Variants in PCBP3 observed in about 807,000 individuals in gnomAD.
PCBP3 encodes poly(rC)-binding protein 3.
In PCBP3, 25 loss-of-function variants were observed where a neutral mutation model predicts 52.7. That is an observed-to-expected ratio of 0.47 (90% CI 0.35 to 0.66). The LOEUF (loss-of-function observed/expected upper bound fraction) is 0.66. PCBP3 is among the 30% of genes least tolerant of loss of function. PCBP3 has a pLI of 0.01. For synonymous variants in PCBP3, 162 were observed against 183.0 expected, an observed-to-expected ratio of 0.89 and a Z score of 0.93; for missense variants, 391 against 490.3, an observed-to-expected ratio of 0.80 and a Z score of 1.91.
Position 45,935,435 on chromosome 21 carries a change from T to G in PCBP3, c.909+130T>G, listed in dbSNP as rs543134467. On this transcript the variant is annotated intron_variant, in intron 16 of 17. Coordinates refer to ENST00000681687, the MANE Select transcript of PCBP3 (RefSeq NM_001384156.1). The stretch of plus-strand genomic sequence containing the variant: ...GCCTTCACCACCCCAACCCCACTGT[T>G]TGATCTGTGTCCTCCCTCCTTTCCT... 88 of 721,482 alleles carry G rather than the reference T, an allele frequency of 1.2e-4. 1 individual carries two copies. In the South Asian group the frequency reaches 1.3e-3, roughly 11 times the overall value. 44.7% of individuals were successfully genotyped at this position (721,482 alleles called of 1,614,324 possible).
intron 5 of PCBP3, among the ~76,000 whole-genome samples, chr21:45,864,806 G>A (rs1410471149): frequency 6.6e-6 from 1 of 152,098 alleles, no homozygotes; most frequent in Non-Finnish European, 1.5e-5. Context: ...CAGGCAAGTG[G>A]GTCTGTGACC....
At chr21:45,863,874 C>G (rs574366954) in intron 5 of PCBP3, among the ~76,000 whole-genome samples, 4 of 152,056 alleles carry the variant, frequency 2.6e-5, no homozygotes, top group Admixed American at 2.6e-4. Context: ...GGTTGACTGT[C>G]GGGGAAATGC....
chr21:45,892,059 C>G (rs899532130), intron 5 of PCBP3, among the ~76,000 whole-genome samples: 8 of 152,286 alleles, frequency 5.3e-5, no homozygotes, highest in African/African-American at 1.9e-4. Flanking sequence ...CCCAGAAACA[C>G]CAGCTCCAGA....
chr21:45,755,611 C>G (rs1350148511), intron 4 of PCBP3, among the ~76,000 whole-genome samples, 159 bp downstream of exon 4: 1 of 152,118 alleles, frequency 6.6e-6, no homozygotes, highest in Admixed American at 6.5e-5. Flanking sequence ...AAAATTTTCT[C>G]CTTTCTAGTG....
chr21:45,922,776 C>T (rs760127689), intron 13 of PCBP3, among the ~76,000 whole-genome samples: 2 of 152,222 alleles, frequency 1.3e-5, no homozygotes, highest in Non-Finnish European at 2.9e-5. Flanking sequence ...GGGGCCAGTT[C>T]CACACACGAG....
rs576577431 is a variant in PCBP3 at position 45,697,132 on chromosome 21, C to T, written c.-200+28180C>T. 1.6e-4 allele frequency among the ~76,000 whole-genome samples: 24 copies of T among 152,300 alleles called. No individual in the cohort carries two copies. In the South Asian group the frequency reaches 3.7e-3, roughly 24 times the overall value. On this transcript the variant is annotated intron_variant, in intron 2 of 17. Transcript: ENST00000681687. The stretch of plus-strand genomic sequence containing the variant: ...ACCATATGACACACTAGTCTTCCTT[C>T]TGGATATATGTGCAAGAGAAATATG...
In PCBP3 at chr21:45,904,244, T is replaced by A. The variant is rs1223452154; in HGVS notation, c.339+3131T>A. On this transcript the variant is annotated intron_variant, in intron 9 of 17. Transcript: ENST00000681687. This position sits in a 1 kb window ranked among gnomAD's most constrained non-coding sequence, Gnocchi z 4.8. ...AAGGTACAAGCCTTCCAGTCATCAGTCCATGGAGGAAGAGCTGAGATGTCT... is the reference window on the plus strand; with the variant it reads ...AAGGTACAAGCCTTCCAGTCATCAGACCATGGAGGAAGAGCTGAGATGTCT... Among the ~76,000 whole-genome samples the A allele has an allele frequency of 6.6e-6, 1 of 152,208 alleles. No homozygotes were observed. The highest frequency in any genetic ancestry group is 1.5e-5 in the Non-Finnish European group (1 of 68,030).
chr21:45,664,019 T>C (rs951863510), intron 1 of PCBP3, among the ~76,000 whole-genome samples: 2 of 41,662 alleles, frequency 4.8e-5, no homozygotes, highest in Non-Finnish European at 1.2e-4. Context: ...TCTTTTTTTT[T>C]CTTTTTTTTT....
chr21:45,780,228 T>C (rs1030802675), intron 4 of PCBP3, among the ~76,000 whole-genome samples: 3 of 152,262 alleles, frequency 2.0e-5, no homozygotes, highest in Non-Finnish European at 4.4e-5. Context: ...TAGTTATGAC[T>C]TTCAAAGCAT....
chr21:45,655,287 C>T (rs1047834272), intron 1 of PCBP3, among the ~76,000 whole-genome samples: 8 of 151,444 alleles, frequency 5.3e-5, no homozygotes, highest in East Asian at 2.0e-4. Context: ...AATTGTTTCC[C>T]GAAGATGCTG....
At position 45,737,354 on chromosome 21, in the gene PCBP3, A is replaced by G. The variant is rs2145901120; in HGVS notation, c.-162+1925A>G. On this transcript the variant is annotated intron_variant, in intron 3 of 17. Coordinates refer to ENST00000681687, the MANE Select transcript of PCBP3 (RefSeq NM_001384156.1). This position sits in a 1 kb window ranked among gnomAD's most constrained non-coding sequence, Gnocchi z 4.9. Reference sequence around the variant, plus strand: ...TCCAAATCCCTGTTGCCTTGGGGCCAACTTTGTAATCTTACAAATCTGGAT... The same window carrying G: ...TCCAAATCCCTGTTGCCTTGGGGCCGACTTTGTAATCTTACAAATCTGGAT... Among the ~76,000 whole-genome samples the G allele has an allele frequency of 6.6e-6, 1 of 152,348 alleles. No homozygotes were observed. The highest frequency in any genetic ancestry group is 3.4e-3 in the Middle Eastern group (1 of 294).
intron 2 of PCBP3, among the ~76,000 whole-genome samples, chr21:45,679,185 A>G (rs149213905): frequency 7.3e-5 from 11 of 150,216 alleles, no homozygotes; most frequent in African/African-American, 2.5e-4. Context: ...CAGTGGTGCA[A>G]TCTCGGCTCA....
In PCBP3 at chr21:45,643,928, A is replaced by C. The variant is rs540606842; in HGVS notation, c.-279+60A>C. On this transcript the variant is annotated intron_variant, in intron 1 of 17. Transcript: ENST00000681687. ...GCGCCCTTGCGGGTTACGGGGACCC[A>C]GTCCCCGACGGAGGCCGAGTGACGG... The C allele has an allele frequency of 4.0e-5, 6 of 148,798 alleles. No individual in the cohort carries two copies. In the South Asian group the frequency reaches 1.0e-3, roughly 26 times the overall value. The allele number at this position is 148,798 out of a possible 1,614,324, so 9.2% of individuals were successfully genotyped here. A position where few individuals can be genotyped will look rare whatever the true frequency, so the allele number is the denominator to read the frequency against.
chr21:45,921,512 C>G (rs1329650901), intron 13 of PCBP3, among the ~76,000 whole-genome samples: 6 of 152,188 alleles, frequency 3.9e-5, no homozygotes, highest in Admixed American at 1.3e-4. Context: ...TAAGAATCAT[C>G]TGGGCTGGGC....
chr21:45,653,594 A>G (rs1365309493), intron 1 of PCBP3, among the ~76,000 whole-genome samples: 1 of 151,732 alleles, frequency 6.6e-6, no homozygotes, highest in Admixed American at 6.6e-5. Flanking sequence ...TTTGTTTTTT[A>G]TCTTATTCTC....
rs1185477389 is a variant in PCBP3, at chr21:45,941,770, A to G, written c.*64A>G. ...AGAGCCTAAGGCCCCCGGCTCTCGC[A>G]CTCTGTACAGCCCACCTTCCCTGCC... On this transcript the variant is annotated 3_prime_UTR_variant, in exon 18 of 18. Transcript: ENST00000681687. 2 of 1,367,580 alleles carry G rather than the reference A, an allele frequency of 1.5e-6. No individual in the cohort carries two copies. Among genetic ancestry groups the G allele is most frequent in the African/African-American group, 2.9e-5 (2 of 69,256 alleles). The allele number at this position is 1,367,580 out of a possible 1,614,324, so 84.7% of individuals were successfully genotyped here.
intron 4 of PCBP3, among the ~76,000 whole-genome samples, chr21:45,816,299 A>C (rs1187362724): frequency 6.6e-6 from 1 of 152,078 alleles, no homozygotes; most frequent in African/African-American, 2.4e-5. Context: ...TTGCTTTATA[A>C]ACCTTTAGAT....
intron 2 of PCBP3, among the ~76,000 whole-genome samples, chr21:45,732,968 G>C (rs200440351): frequency 2.6e-5 from 4 of 152,098 alleles, no homozygotes; most frequent in Non-Finnish European, 5.9e-5. Context: ...TTTTTGGCTT[G>C]TCCCATCCCC....
At chr21:45,893,719 C>T (rs569915917) in intron 5 of PCBP3, 37 of 983,750 alleles carry the variant, frequency 3.8e-5, no homozygotes, top group Middle Eastern at 5.2e-4. Flanking sequence ...CAGCACTGGA[C>T]GGGACAGAGG....
Sources: gnomAD v4.1 joint callset for allele counts (sites outside exome capture counted in the v4.1 genomes callset) on GRCh38, gnomAD v4.1.1 for gene constraint, Gnocchi (gnomAD v3.1) non-coding constraint, MANE v1.5 for transcripts, NCBI Gene and HGNC (gene_info 2026-07-23, HGNC 2026-07-21) for gene names.